ARHGAP10: variants seen among roughly 807,000 people sequenced by gnomAD.
ARHGAP10 encodes Rho GTPase activating protein 10.
ARHGAP10 carries 87 observed loss-of-function variants against 108.6 expected under a neutral mutation model. That is an observed-to-expected ratio of 0.80 (90% CI 0.67 to 0.96). ARHGAP10 has a LOEUF of 0.96. Among genes scored for constraint, ARHGAP10 ranks in the 40% least tolerant of loss-of-function variants. The probability of loss-of-function intolerance (pLI) is 0.00; values close to 1 mark genes in which losing one functional copy is unlikely to be tolerated. For synonymous variants in ARHGAP10, 347 were observed against 341.1 expected (o/e 1.02, Z -0.19); for missense variants, 939 against 954.5 (o/e 0.98, Z 0.21).
At chr4:147,832,566 G>T (rs1732995056) in intron 3 of ARHGAP10, among the ~76,000 whole-genome samples, 1 of 141,074 alleles carries the variant, frequency 7.1e-6, no homozygotes, top group Non-Finnish European at 1.5e-5. Context: ...AGAATCGCTT[G>T]AACCTGGAAG....
chr4:147,995,795 C>T (rs12650201), intron 18 of ARHGAP10, among the ~76,000 whole-genome samples: 10,779 of 152,018 alleles, frequency 0.071, 598 homozygotes, highest in African/African-American at 0.15. Context: ...CTGCTCACTG[C>T]GAGCTTCGCC....
At chr4:147,844,948 A>G (rs1309470605) in intron 3 of ARHGAP10, among the ~76,000 whole-genome samples, 2 of 152,068 alleles carry the variant, frequency 1.3e-5, no homozygotes, top group Non-Finnish European at 1.5e-5. Context: ...TGTACCCCCA[A>G]TAAAATGCTA....
intron 1 of ARHGAP10, among the ~76,000 whole-genome samples, chr4:147,747,354 A>G (rs1489256109): frequency 6.6e-6 from 1 of 152,218 alleles, no homozygotes; most frequent in Non-Finnish European, 1.5e-5. Flanking sequence ...TGGAATAATT[A>G]TCTATTATCT....
At chr4:147,934,830 C>T (rs2126954372) in intron 13 of ARHGAP10, among the ~76,000 whole-genome samples, 1 of 152,054 alleles carries the variant, frequency 6.6e-6, no homozygotes, top group Admixed American at 6.5e-5. Flanking sequence ...GAGACCCTGC[C>T]TTAAAAATAA....
chr4:148,068,983 C>T (rs1350663485), intron 22 of ARHGAP10, among the ~76,000 whole-genome samples: 1 of 152,156 alleles, frequency 6.6e-6, no homozygotes, highest in Non-Finnish European at 1.5e-5. Context: ...CTGAGACCTG[C>T]AGGCATAGGG....
intron 3 of ARHGAP10, among the ~76,000 whole-genome samples, chr4:147,839,134 A>ATCTGTCTGTCTGTCTGTCTGTCTG (rs1213326296): frequency 2.1e-5 from 3 of 143,924 alleles, no homozygotes; most frequent in African/African-American, 7.9e-5. Context: ...CTATCTATCT[A>ATCTGTCTGTCTGTCTGTCTGTCTG]TCTATCTATC....
intron 1 of ARHGAP10, among the ~76,000 whole-genome samples, chr4:147,794,303 GCACT>G (rs903506847): frequency 1.3e-5 from 2 of 152,160 alleles, no homozygotes; most frequent in African/African-American, 2.4e-5. Context: ...TATTTATTGT[GCACT>G]CACTCATGAT....
chr4:147,792,497 A>G (rs1731158503), intron 1 of ARHGAP10, among the ~76,000 whole-genome samples: 2 of 152,316 alleles, frequency 1.3e-5, no homozygotes, highest in Middle Eastern at 3.4e-3. Flanking sequence ...TATTTATAAT[A>G]TAATGAACAC....
chr4:147,960,764 T>G (rs1248535639), intron 16 of ARHGAP10, among the ~76,000 whole-genome samples: 59 of 152,338 alleles, frequency 3.9e-4, no homozygotes, highest in Admixed American at 3.9e-3. Flanking sequence ...CCATGAAGTG[T>G]GATCACTCTC....
rs1029125909 is a variant in ARHGAP10 at position 147,871,108 on chromosome 4, C to T, written c.703-3913C>T. On this transcript the variant is annotated intron_variant, in intron 7 of 22. Transcript: ENST00000336498. Reference sequence around the variant, plus strand: ...CCGAGTAGCTGGGACTACAGGTGCCCGCCACCGTGCCCGGCTAATTTTTGT... The same window carrying T: ...CCGAGTAGCTGGGACTACAGGTGCCTGCCACCGTGCCCGGCTAATTTTTGT... 1.1e-3 allele frequency among the ~76,000 whole-genome samples: 163 copies of T among 151,886 alleles called. 1 individual carries two copies. The highest frequency in any genetic ancestry group is 3.7e-3 in the African/African-American group (153 of 41,364).
chr4:147,771,996 T>C (rs1730103109), intron 1 of ARHGAP10, among the ~76,000 whole-genome samples: 1 of 152,186 alleles, frequency 6.6e-6, no homozygotes, highest in Non-Finnish European at 1.5e-5. Flanking sequence ...TTCACCATGT[T>C]GGGCAGGATG....
At chr4:147,857,803 A>G (rs1734156091) in intron 5 of ARHGAP10, 149 bp downstream of exon 5, 2 of 653,548 alleles carry the variant, frequency 3.1e-6, no homozygotes, top group South Asian at 8.9e-5. Context: ...TTAAGAAAAA[A>G]GTCCTTGTGA....
At chr4:147,754,877 T>C (rs960956275) in intron 1 of ARHGAP10, among the ~76,000 whole-genome samples, 14 of 152,164 alleles carry the variant, frequency 9.2e-5, no homozygotes, top group Admixed American at 9.2e-4. Context: ...CTGGATCACC[T>C]GAGGTCAGGA....
At chr4:148,000,181 T>A (rs1177746252) in intron 18 of ARHGAP10, among the ~76,000 whole-genome samples, 9 of 151,678 alleles carry the variant, frequency 5.9e-5, no homozygotes, top group Admixed American at 5.9e-4. Flanking sequence ...TGGTGGTTGG[T>A]TTTTTTTGTC....
chr4:147,808,920 A>G (rs770261456), intron 1 of ARHGAP10: 1 of 152,242 alleles, frequency 6.6e-6, no homozygotes, highest in East Asian at 1.9e-4. Context: ...TTTAAAAACT[A>G]TTCTTGCCAG....
chr4:147,922,464 C>T (rs201651288), intron 13 of ARHGAP10, among the ~76,000 whole-genome samples: 3 of 150,700 alleles, frequency 2.0e-5, no homozygotes, highest in Non-Finnish European at 3.0e-5. Flanking sequence ...CCGAGGCGGG[C>T]GGATCACGAG....
At chr4:147,922,572 T>G (rs369015038) in intron 13 of ARHGAP10, among the ~76,000 whole-genome samples, 1 of 148,538 alleles carries the variant, frequency 6.7e-6, no homozygotes, top group East Asian at 2.0e-4. Context: ...CCTGTAGTCC[T>G]AGCTACTTGG....
intron 16 of ARHGAP10, among the ~76,000 whole-genome samples, chr4:147,959,717 A>G (rs1034784450): frequency 1.3e-5 from 2 of 152,194 alleles, no homozygotes; most frequent in South Asian, 4.1e-4. Flanking sequence ...TAATGGTTGC[A>G]TAGTATTTCA....
Position 147,927,905 on chromosome 4 carries a change from G to A in ARHGAP10, c.1229-11920G>A, listed in dbSNP as rs147728960. Among the ~76,000 whole-genome samples the A allele has an allele frequency of 5.8e-3, 877 of 152,302 alleles. 9 individuals carry two copies. Among genetic ancestry groups the A allele is most frequent in the African/African-American group, 0.02 (826 of 41,562 alleles). On this transcript the variant is annotated intron_variant, in intron 13 of 22. Coordinates refer to ENST00000336498, the MANE Select transcript of ARHGAP10 (RefSeq NM_024605.4). ...CTCTGGGAGAGTGTGGGGCCCCAAA[G>A]GTTACTAATGAAATCGGAAACTCCC...
Sources: allele counts gnomAD v4.1 joint callset (sites outside exome capture counted in the v4.1 genomes callset), GRCh38; gene constraint gnomAD v4.1.1; transcripts MANE v1.5; gene names NCBI Gene and HGNC (gene_info 2026-07-23, HGNC 2026-07-21).